Variants in SLC9A9 observed in about 807,000 individuals in gnomAD.
SLC9A9 encodes the protein solute carrier family 9 member A9.
In SLC9A9, 62 loss-of-function variants were observed where a neutral mutation model predicts 77.8. The observed-to-expected ratio is 0.80, with a 90% CI of 0.65 to 0.98. The LOEUF is 0.98. SLC9A9 is among the 50% of genes least tolerant of loss of function. SLC9A9 has a pLI of 0.00. For missense variants in SLC9A9, 775 were observed against 774.9 expected (o/e 1.00, Z 0.00); for synonymous variants, 320 against 283.5 (o/e 1.13, Z -1.29).
chr3:143,364,619 T>C (rs2032849008), intron 13 of SLC9A9, among the ~76,000 whole-genome samples: 1 of 152,196 alleles, frequency 6.6e-6, no homozygotes. Flanking sequence ...TAATGATAAA[T>C]AGCTGGACAC....
intron 2 of SLC9A9, among the ~76,000 whole-genome samples, chr3:143,804,753 C>T (rs2121772): frequency 0.037 from 5,609 of 152,192 alleles, 166 homozygotes; most frequent in African/African-American, 0.08. Context: ...CCTTGCTGGT[C>T]GGTTTAGGAC....
rs548359977 is a variant in SLC9A9, at chr3:143,266,329, T to C, written c.*373A>G. The C allele has an allele frequency of 4.6e-4, 261 of 566,670 alleles. 1 individual carries two copies. The highest frequency in any genetic ancestry group is 2.6e-3 in the African/African-American group (139 of 53,388). 35.1% of individuals were successfully genotyped at this position (566,670 alleles called of 1,614,324 possible). A position where few individuals can be genotyped will look rare whatever the true frequency, so the allele number is the denominator to read the frequency against. ...TCTTTTATTTTTAAACTCTCCTTAA[T>C]GGAGGGAATAAAATCCAGAATAGAA... On this transcript the variant is annotated 3_prime_UTR_variant, in exon 16 of 16. Transcript: ENST00000316549.
chr3:143,428,462 G>A (rs2034446842), intron 12 of SLC9A9, among the ~76,000 whole-genome samples: 1 of 152,120 alleles, frequency 6.6e-6, no homozygotes, highest in African/African-American at 2.4e-5. Flanking sequence ...CAGAGTAAAA[G>A]CAATTCTTTA....
intron 11 of SLC9A9, among the ~76,000 whole-genome samples, chr3:143,490,336 C>T (rs974788128): frequency 6.6e-6 from 1 of 152,078 alleles, no homozygotes; most frequent in Non-Finnish European, 1.5e-5. Flanking sequence ...TATTATTCAG[C>T]CTTTTTAACA....
At chr3:143,827,344 G>C (rs1328630782) in intron 2 of SLC9A9, among the ~76,000 whole-genome samples, 1 of 152,142 alleles carries the variant, frequency 6.6e-6, no homozygotes, top group Non-Finnish European at 1.5e-5. Flanking sequence ...TTAGAAGGTT[G>C]TTTTGAGTTC....
chr3:143,800,128 G>A (rs1397870177), intron 2 of SLC9A9, among the ~76,000 whole-genome samples: 2 of 152,044 alleles, frequency 1.3e-5, no homozygotes, highest in Non-Finnish European at 2.9e-5. Flanking sequence ...CTTTTCCCCA[G>A]TTCAAAGTCT....
At chr3:143,827,723 C>T (rs955039205) in intron 2 of SLC9A9, among the ~76,000 whole-genome samples, 2 of 152,182 alleles carry the variant, frequency 1.3e-5, no homozygotes, top group African/African-American at 4.8e-5. Context: ...CTCTCCAAAT[C>T]CTGAAGTCAG....
intron 6 of SLC9A9, among the ~76,000 whole-genome samples, chr3:143,588,021 A>G (rs945426230): frequency 6.6e-6 from 1 of 152,220 alleles, no homozygotes; most frequent in Non-Finnish European, 1.5e-5. Flanking sequence ...TCCAAAAGTA[A>G]CGTATCATAG....
intron 14 of SLC9A9, among the ~76,000 whole-genome samples, chr3:143,354,138 A>G (rs2032530569): frequency 6.6e-6 from 1 of 152,130 alleles, no homozygotes; most frequent in East Asian, 1.9e-4. Context: ...GCATCTATTC[A>G]TGCCACACTC....
chr3:143,758,793 C>CT (rs1185816923), intron 4 of SLC9A9, among the ~76,000 whole-genome samples: 1 of 151,942 alleles, frequency 6.6e-6, no homozygotes, highest in Non-Finnish European at 1.5e-5. Flanking sequence ...TCCTCTAAGT[C>CT]TTAGTATAAA....
chr3:143,552,230 A>G (rs2036901316), intron 9 of SLC9A9, 132 bp downstream of exon 9: 1 of 649,276 alleles, frequency 1.5e-6, no homozygotes, highest in African/African-American at 1.8e-5. Context: ...ATAAATATCC[A>G]ACTCGTAATG....
intron 4 of SLC9A9, among the ~76,000 whole-genome samples, chr3:143,773,921 C>T (rs777362314): frequency 6.6e-6 from 1 of 152,172 alleles, no homozygotes; most frequent in Non-Finnish European, 1.5e-5. Flanking sequence ...GTGATTGCCA[C>T]TCAGTAGGGG....
At chr3:143,394,179 T>A (rs1469135468) in intron 12 of SLC9A9, among the ~76,000 whole-genome samples, 1 of 152,202 alleles carries the variant, frequency 6.6e-6, no homozygotes, top group East Asian at 1.9e-4. Flanking sequence ...ATATCCCTGA[T>A]GAACATCAAT....
At chr3:143,385,056 A>G (rs1040858068) in intron 12 of SLC9A9, among the ~76,000 whole-genome samples, 1 of 152,218 alleles carries the variant, frequency 6.6e-6, no homozygotes, top group African/African-American at 2.4e-5. Context: ...AACTGGTCCC[A>G]TAAAGTCTGA....
chr3:143,669,649 A>T (rs2039128069), intron 5 of SLC9A9, among the ~76,000 whole-genome samples: 1 of 152,042 alleles, frequency 6.6e-6, no homozygotes, highest in Non-Finnish European at 1.5e-5. Context: ...GCTATTTACA[A>T]CTCTGTACTA....
chr3:143,444,923 A>G (rs1389728664), intron 12 of SLC9A9, among the ~76,000 whole-genome samples: 1 of 152,098 alleles, frequency 6.6e-6, no homozygotes, highest in Non-Finnish European at 1.5e-5. Flanking sequence ...GGTTCCGTCT[A>G]CCCCTGGGCC....
At chr3:143,388,541 G>A (rs1156311889) in intron 12 of SLC9A9, among the ~76,000 whole-genome samples, 1 of 152,148 alleles carries the variant, frequency 6.6e-6, no homozygotes, top group African/African-American at 2.4e-5. Context: ...CTATTATAAG[G>A]ATGAAATGAG....
chr3:143,811,941 A>T (rs2008878094), intron 2 of SLC9A9, among the ~76,000 whole-genome samples: 1 of 152,142 alleles, frequency 6.6e-6, no homozygotes, highest in African/African-American at 2.4e-5. Context: ...TAAAATATTG[A>T]AGCAATGGTT....
chr3:143,497,625 C>G (rs2035857512), intron 9 of SLC9A9, among the ~76,000 whole-genome samples: 1 of 152,168 alleles, frequency 6.6e-6, no homozygotes, highest in Non-Finnish European at 1.5e-5. Flanking sequence ...GAAGCCAGTT[C>G]CTGATAACAG....
Sources: gnomAD v4.1 joint callset for allele counts (sites outside exome capture counted in the v4.1 genomes callset) on GRCh38, gnomAD v4.1.1 for gene constraint, MANE v1.5 for transcripts, NCBI Gene and HGNC (gene_info 2026-07-23, HGNC 2026-07-21) for gene names.